KALRN: variants seen among roughly 807,000 people sequenced by gnomAD.
KALRN encodes the protein kalirin RhoGEF kinase.
Under a neutral mutation model 353.7 loss-of-function variants are expected in KALRN, and 70 were observed. The ratio of observed to expected loss-of-function variants is 0.20; its 90% CI spans 0.16 to 0.24. The LOEUF (loss-of-function observed/expected upper bound fraction) is 0.24. KALRN is among the 10% of genes least tolerant of loss of function. The probability of loss-of-function intolerance (pLI) is 1.00; values close to 1 mark genes in which losing one functional copy is unlikely to be tolerated. For missense variants in KALRN, 2,791 were observed against 3,756.7 expected (o/e 0.74, Z 6.72); for synonymous variants, 1,391 against 1,434.8 (o/e 0.97, Z 0.69).
At chr3:124,619,126 CTTTT>C (rs11455473) in intron 34 of KALRN, among the ~76,000 whole-genome samples, 43,092 of 146,738 alleles carry the variant, frequency 0.29, 7,487 homozygotes, top group East Asian at 0.59. Flanking sequence ...GTATATTTGA[CTTTT>C]TTTTTTTTTT....
At chr3:124,169,293 T>C (rs2071361849) in intron 1 of KALRN, among the ~76,000 whole-genome samples, 1 of 152,088 alleles carries the variant, frequency 6.6e-6, no homozygotes, top group Admixed American at 6.5e-5. Flanking sequence ...AACCACTGCA[T>C]TTTACTAAGC....
chr3:124,664,373 G>GCA lies in KALRN; in HGVS notation c.6346-2075_6346-2074insAC, dbSNP rs1248161868. Among the ~76,000 whole-genome samples the GCA allele has an allele frequency of 3.3e-4, 42 of 125,670 alleles. 1 individual carries two copies. The East Asian group carries it at 5.8e-3, about 17-fold the overall frequency. 82.4% of individuals were successfully genotyped at this position (125,670 alleles called of 152,430 possible). On this transcript the variant is annotated intron_variant, in intron 45 of 59. Transcript: ENST00000682506. Reference sequence around the variant, plus strand: ...TGTGTGTGTGTGTGTGTGTGTGTGCGCGCGCGCGCATATAAGGGCACCCAC... The same window carrying GCA: ...TGTGTGTGTGTGTGTGTGTGTGTGCGCACGCGCGCGCATATAAGGGCACCCAC...
At chr3:124,178,485 A>C (rs1325669547) in intron 1 of KALRN, among the ~76,000 whole-genome samples, 6 of 152,336 alleles carry the variant, frequency 3.9e-5, no homozygotes, top group Admixed American at 3.9e-4. Flanking sequence ...ACAGACTACT[A>C]TACACCTAGG....
At chr3:124,581,140 G>A (rs2074589842) in intron 34 of KALRN, among the ~76,000 whole-genome samples, 1 of 152,044 alleles carries the variant, frequency 6.6e-6, no homozygotes, top group South Asian at 2.1e-4. Flanking sequence ...ATAGGAAGAG[G>A]TTCCTAATGG....
intron 4 of KALRN, among the ~76,000 whole-genome samples, chr3:124,264,969 G>A (rs2148889704): frequency 1.3e-5 from 2 of 152,254 alleles, no homozygotes; most frequent in South Asian, 4.1e-4. Flanking sequence ...TTTGCAATTT[G>A]TAACAAAAAC....
intron 6 of KALRN, among the ~76,000 whole-genome samples, chr3:124,313,713 C>T (rs550760373): frequency 6.6e-6 from 1 of 152,328 alleles, no homozygotes; most frequent in Admixed American, 6.5e-5. Context: ...ATGGGTTCCA[C>T]TCTAGATTCT....
chr3:124,388,799 T>C (rs930382688), intron 11 of KALRN, among the ~76,000 whole-genome samples: 2 of 152,204 alleles, frequency 1.3e-5, no homozygotes, highest in African/African-American at 4.8e-5. Flanking sequence ...AATGGTCTCA[T>C]GGAAGAACTC....
chr3:124,246,351 A>G (rs116366753), intron 3 of KALRN, among the ~76,000 whole-genome samples: 1,747 of 152,382 alleles, frequency 0.011, 34 homozygotes, highest in African/African-American at 0.04. Context: ...CCTGCTCTGC[A>G]GGGCCTCCCA....
At chr3:124,670,811 A>G (rs1305567250) in intron 47 of KALRN, among the ~76,000 whole-genome samples, 1 of 152,172 alleles carries the variant, frequency 6.6e-6, no homozygotes, top group African/African-American at 2.4e-5. Context: ...CTTAAACTCA[A>G]TAAAACAAAG....
intron 1 of KALRN, among the ~76,000 whole-genome samples, chr3:124,122,668 C>T: frequency 6.6e-6 from 1 of 152,140 alleles, no homozygotes. Context: ...AAACCATGCC[C>T]ATATAAAACT....
At chr3:124,131,337 CTG>C (rs1224697355) in intron 1 of KALRN, among the ~76,000 whole-genome samples, 1 of 152,214 alleles carries the variant, frequency 6.6e-6, no homozygotes, top group African/African-American at 2.4e-5. Context: ...CAGTTACCAA[CTG>C]TGTTTACTTA....
intron 33 of KALRN, among the ~76,000 whole-genome samples, chr3:124,541,608 C>T (rs369598138): frequency 3.3e-5 from 5 of 151,434 alleles, no homozygotes; most frequent in South Asian, 2.1e-4. Context: ...CTGGATCGGC[C>T]GGGCACAGTG....
intron 27 of KALRN, 86 bp from the exon 28 acceptor site, chr3:124,482,722 T>G (rs957948784): frequency 3.4e-6 from 3 of 880,668 alleles, no homozygotes; most frequent in African/African-American, 3.3e-5. Context: ...CTTCCTCTCT[T>G]CTGACCCCTG....
chr3:124,191,207 A>T (rs2074867311), intron 1 of KALRN, among the ~76,000 whole-genome samples: 2 of 152,196 alleles, frequency 1.3e-5, no homozygotes, highest in Non-Finnish European at 2.9e-5. Context: ...AAGCTCCCTG[A>T]GGCAGTCCTT....
chr3:124,092,782 A>C (rs1347671017), intron 1 of KALRN, among the ~76,000 whole-genome samples: 1 of 152,242 alleles, frequency 6.6e-6, no homozygotes, highest in Non-Finnish European at 1.5e-5. Context: ...ATACTGGAGA[A>C]AGTGATTCCC....
intron 2 of KALRN, among the ~76,000 whole-genome samples, chr3:124,234,202 A>G (rs1288065257): frequency 2.0e-5 from 3 of 152,218 alleles, no homozygotes; most frequent in Middle Eastern, 3.2e-3. Flanking sequence ...GATTTCTGAT[A>G]AGATTCATGT....
chr3:124,209,638 C>T (rs898876766), intron 1 of KALRN, among the ~76,000 whole-genome samples: 2 of 151,834 alleles, frequency 1.3e-5, no homozygotes, highest in Non-Finnish European at 2.9e-5. Context: ...TTTAGAGAAA[C>T]CACTAAGAAA....
intron 28 of KALRN, among the ~76,000 whole-genome samples, chr3:124,486,909 A>G (rs2062629649): frequency 6.6e-6 from 1 of 152,182 alleles, no homozygotes. Flanking sequence ...AGATTCTAGG[A>G]TTGTTTACCA....
rs1377097482 is a variant in KALRN at position 124,495,957 on chromosome 3, G to GTGTATA, written c.4833-353_4833-352insGTATAT. 3.2e-4 allele frequency among the ~76,000 whole-genome samples: 14 copies of GTGTATA among 44,224 alleles called. 1 individual carries two copies. Among genetic ancestry groups the GTGTATA allele is most frequent in the Non-Finnish European group, 3.5e-4 (8 of 23,050 alleles). The allele number at this position is 44,224 out of a possible 152,430, so 29.0% of individuals were successfully genotyped here. A position where few individuals can be genotyped will look rare whatever the true frequency, so the allele number is the denominator to read the frequency against. On this transcript the variant is annotated intron_variant, in intron 32 of 59. Transcript: ENST00000682506. ...GACCCGTTCCCAAGTGTGTGTATGT[G>GTGTATA]TATGTATGTATATATATATATATAT...
Sources: gnomAD v4.1 joint callset for allele counts (sites outside exome capture counted in the v4.1 genomes callset) on GRCh38, gnomAD v4.1.1 for gene constraint, MANE v1.5 for transcripts, NCBI Gene and HGNC (gene_info 2026-07-23, HGNC 2026-07-21) for gene names.